Variants in OLFM3 observed in about 807,000 individuals in gnomAD.
OLFM3 encodes noelin-3.
Under a neutral mutation model 48.6 loss-of-function variants are expected in OLFM3, and 20 were observed. The observed-to-expected ratio is 0.41, with a 90% CI of 0.29 to 0.60. OLFM3 has a LOEUF of 0.60. OLFM3 is among the 20% of genes least tolerant of loss of function. The pLI, the probability that OLFM3 is intolerant of heterozygous loss-of-function variation, is 0.28. For synonymous variants in OLFM3, 222 were observed against 198.1 expected, an observed-to-expected ratio of 1.12 and a Z score of -1.01; for missense variants, 437 against 544.3, an observed-to-expected ratio of 0.80 and a Z score of 1.96.
At position 101,996,883 on chromosome 1, in the gene OLFM3, T is replaced by C; in HGVS notation, c.-67A>G. 3 of 1,519,000 alleles carry C rather than the reference T, an allele frequency of 2.0e-6. No homozygotes were observed. The highest frequency in any genetic ancestry group is 2.7e-6 in the Non-Finnish European group (3 of 1,102,232). 94.1% of individuals were successfully genotyped at this position (1,519,000 alleles called of 1,614,324 possible). A position where few individuals can be genotyped will look rare whatever the true frequency, so the allele number is the denominator to read the frequency against. On this transcript the variant is annotated 5_prime_UTR_variant, in exon 1 of 6. Coordinates refer to ENST00000370103, the MANE Select transcript of OLFM3 (RefSeq NM_058170.4). ...GGCTCTCCACTCACTGCAGAGACCT[T>C]TCCCTCGTCAGTTGCACTTTCTGCC...
chr1:101,970,355 A>G (rs2101095547), intron 1 of OLFM3, among the ~76,000 whole-genome samples: 1 of 152,232 alleles, frequency 6.6e-6, no homozygotes, highest in South Asian at 2.1e-4. Context: ...GCATTTATTT[A>G]CTTCAGATAT....
intron 1 of OLFM3, among the ~76,000 whole-genome samples, chr1:101,989,379 A>G (rs1661336089): frequency 6.6e-6 from 1 of 152,110 alleles, no homozygotes; most frequent in Admixed American, 6.5e-5. Context: ...GAATGTTGCC[A>G]TTGAAATTAC....
rs1487737783 is a variant in OLFM3, at chr1:101,803,246, ATAAAT to A, written c.*987_*991del. On this transcript the variant is annotated 3_prime_UTR_variant, in exon 6 of 6. Transcript: ENST00000370103. ...CATTATTGCAAGTTGTATGTAAAAT[ATAAAT>A]TAAATGCTAGTACATTTAACTATGA... 6.6e-6 allele frequency: 1 copy of A among 152,180 alleles called. No homozygotes were observed. The highest frequency in any genetic ancestry group is 1.5e-5 in the Non-Finnish European group (1 of 67,764). The allele number at this position is 152,180 out of a possible 1,614,324, so 9.4% of individuals were successfully genotyped here. A position where few individuals can be genotyped will look rare whatever the true frequency, so the allele number is the denominator to read the frequency against.
chr1:101,907,269 C>T (rs576968802), intron 1 of OLFM3, among the ~76,000 whole-genome samples: 1 of 152,168 alleles, frequency 6.6e-6, no homozygotes, highest in African/African-American at 2.4e-5. Context: ...TTAAAATACA[C>T]AACCCACATA....
At chr1:101,815,992 A>G (rs1464573569) in intron 4 of OLFM3, among the ~76,000 whole-genome samples, 1 of 152,228 alleles carries the variant, frequency 6.6e-6, no homozygotes, top group African/African-American at 2.4e-5. Context: ...AGAATAAGCT[A>G]TAAGTTGGAT....
At chr1:101,938,961 G>A (rs1659706017) in intron 1 of OLFM3, among the ~76,000 whole-genome samples, 1 of 152,140 alleles carries the variant, frequency 6.6e-6, no homozygotes, top group South Asian at 2.1e-4. Flanking sequence ...CTGAAGAGAG[G>A]CAGTGGCTCT....
rs528266729 is a variant in OLFM3 at position 101,906,924 on chromosome 1, A to G, written c.70-69899T>C. 1.4e-4 allele frequency among the ~76,000 whole-genome samples: 21 copies of G among 152,298 alleles called. No homozygotes were observed. In the East Asian group the frequency reaches 1.5e-3, roughly 11 times the overall value. Reference sequence around the variant, plus strand: ...CATACATATGTATATGTTACTCTCAAACTAAGCTAGGAGAAGTCTTTGATT... The same window carrying G: ...CATACATATGTATATGTTACTCTCAGACTAAGCTAGGAGAAGTCTTTGATT... On this transcript the variant is annotated intron_variant, in intron 1 of 5. Coordinates refer to ENST00000370103, the MANE Select transcript of OLFM3 (RefSeq NM_058170.4).
chr1:101,905,904 C>G (rs1658535155), intron 1 of OLFM3, among the ~76,000 whole-genome samples: 1 of 152,136 alleles, frequency 6.6e-6, no homozygotes, highest in Non-Finnish European at 1.5e-5. Context: ...AGGAAATGAT[C>G]TACTCTTATT....
intron 1 of OLFM3, among the ~76,000 whole-genome samples, chr1:101,875,358 T>A (rs548416156): frequency 6.6e-5 from 10 of 152,100 alleles, no homozygotes; most frequent in South Asian, 4.1e-4. Context: ...TTAGTGTTAA[T>A]TTTTAGTTAG....
At chr1:101,873,590 A>C (rs1557710920) in intron 1 of OLFM3, among the ~76,000 whole-genome samples, 2 of 151,798 alleles carry the variant, frequency 1.3e-5, no homozygotes, top group Non-Finnish European at 2.9e-5. Flanking sequence ...CAACTTTTTC[A>C]TGGTTATGAG....
chr1:101,872,743 T>C (rs1451912372), intron 1 of OLFM3, among the ~76,000 whole-genome samples: 4 of 151,966 alleles, frequency 2.6e-5, no homozygotes, highest in African/African-American at 9.7e-5. Flanking sequence ...AAATTTTGCA[T>C]CTAATTACTA....
intron 1 of OLFM3, among the ~76,000 whole-genome samples, chr1:101,851,048 A>T (rs1338236765): frequency 6.6e-6 from 1 of 152,182 alleles, no homozygotes; most frequent in African/African-American, 2.4e-5. Flanking sequence ...CAAGTTAAGT[A>T]GGAAAAATAG....
intron 1 of OLFM3, among the ~76,000 whole-genome samples, chr1:101,990,714 G>A (rs930897561): frequency 2.0e-5 from 3 of 151,756 alleles, no homozygotes; most frequent in Non-Finnish European, 4.4e-5. Flanking sequence ...GGCCGGGCGC[G>A]GTGGCTCACG....
intron 1 of OLFM3, among the ~76,000 whole-genome samples, chr1:101,940,834 T>C (rs560214785): frequency 1.3e-5 from 2 of 152,068 alleles, no homozygotes; most frequent in Admixed American, 6.6e-5. Context: ...TACATATTTA[T>C]GTCTATACCT....
At chr1:101,811,505 C>T (rs187403278) in intron 4 of OLFM3, among the ~76,000 whole-genome samples, 120 of 152,178 alleles carry the variant, frequency 7.9e-4, no homozygotes, top group African/African-American at 2.8e-3. Flanking sequence ...AAACAAACAA[C>T]CCGATCAAAA....
chr1:101,878,482 T>G (rs1418578934), intron 1 of OLFM3, among the ~76,000 whole-genome samples: 1 of 151,892 alleles, frequency 6.6e-6, no homozygotes, highest in Non-Finnish European at 1.5e-5. Flanking sequence ...GCTGATAAAT[T>G]TATATTCTAC....
intron 4 of OLFM3, among the ~76,000 whole-genome samples, chr1:101,817,686 A>G (rs1029673206): frequency 2.0e-5 from 3 of 152,082 alleles, no homozygotes; most frequent in Admixed American, 6.6e-5. Flanking sequence ...TTGAATCCTA[A>G]GGCTATGCCC....
At chr1:101,905,558 A>C (rs945746601) in intron 1 of OLFM3, among the ~76,000 whole-genome samples, 1 of 152,148 alleles carries the variant, frequency 6.6e-6, no homozygotes, top group Non-Finnish European at 1.5e-5. Flanking sequence ...AAATTTAAGG[A>C]AGTTGTAAAG....
intron 1 of OLFM3, among the ~76,000 whole-genome samples, chr1:101,965,780 C>G (rs868366806): frequency 1.3e-5 from 2 of 152,154 alleles, no homozygotes; most frequent in African/African-American, 4.8e-5. Flanking sequence ...ATTTTATGTA[C>G]TGAAGAGTCA....
Sources: allele counts gnomAD v4.1 joint callset (sites outside exome capture counted in the v4.1 genomes callset), GRCh38; gene constraint gnomAD v4.1.1; transcripts MANE v1.5; gene names NCBI Gene and HGNC (gene_info 2026-07-23, HGNC 2026-07-21).